ANAPC10: variants seen among roughly 807,000 people sequenced by gnomAD.
The protein encoded by ANAPC10 is anaphase-promoting complex subunit 10.
ANAPC10 carries 12 observed loss-of-function variants against 22.0 expected under a neutral mutation model. The ratio of observed to expected loss-of-function variants is 0.55; its 90% CI spans 0.35 to 0.88. The LOEUF is 0.88. ANAPC10 is among the 40% of genes least tolerant of loss of function. The probability of loss-of-function intolerance (pLI) is 0.01; values close to 1 mark genes in which losing one functional copy is unlikely to be tolerated. For missense variants in ANAPC10, 188 were observed against 220.9 expected (o/e 0.85, Z 0.94); for synonymous variants, 65 against 69.5 (o/e 0.94, Z 0.32).
At chr4:145,023,790 C>T (rs1453489570) in intron 4 of ANAPC10, among the ~76,000 whole-genome samples, 3 of 152,046 alleles carry the variant, frequency 2.0e-5, no homozygotes, top group African/African-American at 4.8e-5. Context: ...AGGGTGGTGT[C>T]GCTGAAGGTT....
At chr4:145,051,271 T>C (rs952940251) in intron 4 of ANAPC10, among the ~76,000 whole-genome samples, 3 of 151,914 alleles carry the variant, frequency 2.0e-5, no homozygotes, top group Non-Finnish European at 4.4e-5. Context: ...GTTGGTGGAG[T>C]AGTCAGAACA....
At chr4:145,021,861 T>G (rs1735998287) in intron 4 of ANAPC10, among the ~76,000 whole-genome samples, 1 of 152,016 alleles carries the variant, frequency 6.6e-6, no homozygotes, top group Admixed American at 6.6e-5. Context: ...GCTAAGGACA[T>G]GAATAGACAA....
intron 4 of ANAPC10, among the ~76,000 whole-genome samples, chr4:145,001,280 G>C (rs1392914312): frequency 6.6e-6 from 1 of 151,450 alleles, no homozygotes; most frequent in Non-Finnish European, 1.5e-5. Context: ...AAGAAGAAAA[G>C]AAAAGAAAAG....
chr4:145,012,178 A>G (rs1272254463), intron 4 of ANAPC10, among the ~76,000 whole-genome samples: 35 of 132,996 alleles, frequency 2.6e-4, no homozygotes, highest in South Asian at 1.0e-3. Context: ...GTGTGTGTGT[A>G]TATATATATA....
intron 4 of ANAPC10, among the ~76,000 whole-genome samples, chr4:145,043,126 G>C (rs755683226): frequency 6.6e-5 from 10 of 151,334 alleles, no homozygotes; most frequent in Non-Finnish European, 1.5e-4. Context: ...AAATGCACTA[G>C]CTGCCAAGAG....
chr4:145,065,228 T>C (rs911280820), intron 3 of ANAPC10, among the ~76,000 whole-genome samples: 16 of 151,890 alleles, frequency 1.1e-4, no homozygotes, highest in African/African-American at 3.9e-4. Context: ...TTCTTTCTTT[T>C]GCTATTGATT....
intron 1 of ANAPC10, chr4:145,097,677 T>C (rs770682613): frequency 2.1e-5 from 10 of 475,468 alleles, no homozygotes; most frequent in Middle Eastern, 7.5e-4. Flanking sequence ...TATGAACTAG[T>C]TGTCACTTGC....
rs993556178 is a variant in ANAPC10 at position 145,050,541 on chromosome 4, A to C, written c.327+14031T>G. Among the ~76,000 whole-genome samples, 4 of 152,166 alleles carry C rather than the reference A, an allele frequency of 2.6e-5. No homozygotes were observed. The East Asian group carries it at 5.8e-4, about 22-fold the overall frequency. ...AGCCAGGCATTGACTTCTCCTCTCT[A>C]ATCTTAGCTGGCATCTTCCAGTAGA... On this transcript the variant is annotated intron_variant, in intron 4 of 4. Transcript: ENST00000507656.
chr4:145,097,265 A>C (rs1325108189), intron 1 of ANAPC10: 1 of 357,864 alleles, frequency 2.8e-6, no homozygotes, highest in East Asian at 7.4e-5. Context: ...ACCATAGAAG[A>C]TAAGGTCAGG....
rs141471580 is a variant in ANAPC10, at chr4:145,005,165, C to G, written c.328-9562G>C. 4.2e-3 allele frequency among the ~76,000 whole-genome samples: 640 copies of G among 152,230 alleles called. 3 individuals are homozygous for G. Among genetic ancestry groups the G allele is most frequent in the African/African-American group, 0.014 (586 of 41,538 alleles). Reference sequence around the variant, plus strand: ...TCTCAGGCTCTAGCCATCCTCCTACCTCAGTCTCCTGTGTAGCTGGGATTA... The same window carrying G: ...TCTCAGGCTCTAGCCATCCTCCTACGTCAGTCTCCTGTGTAGCTGGGATTA... On this transcript the variant is annotated intron_variant, in intron 4 of 4. Transcript: ENST00000507656.
At chr4:145,083,011 T>C (rs191329692) in intron 2 of ANAPC10, among the ~76,000 whole-genome samples, 3 of 152,302 alleles carry the variant, frequency 2.0e-5, no homozygotes, top group Admixed American at 6.5e-5. Context: ...AGCAGTCATA[T>C]ATGTATTCTT....
chr4:145,035,114 T>C (rs1249054559), intron 4 of ANAPC10: 1 of 152,242 alleles, frequency 6.6e-6, no homozygotes, highest in Non-Finnish European at 1.5e-5. Context: ...GTTCTTTTCA[T>C]GCAAGATTTG....
intron 3 of ANAPC10, 42 bp from the exon 4 acceptor site, chr4:145,064,734 GA>G: frequency 6.9e-7 from 1 of 1,445,214 alleles, no homozygotes; most frequent in Non-Finnish European, 9.3e-7. Context: ...TTCATCATAT[GA>G]AAAGATTTCC....
chr4:145,084,342 G>C (rs1216745990), intron 2 of ANAPC10, among the ~76,000 whole-genome samples: 1 of 152,164 alleles, frequency 6.6e-6, no homozygotes, highest in Non-Finnish European at 1.5e-5. Flanking sequence ...ATTCAGCAAA[G>C]AGATAAGCAT....
At chr4:145,054,317 C>T (rs1489898870) in intron 4 of ANAPC10, among the ~76,000 whole-genome samples, 1 of 148,928 alleles carries the variant, frequency 6.7e-6, no homozygotes, top group Non-Finnish European at 1.5e-5. Flanking sequence ...TTTGGGAGGC[C>T]GAGGAGGGCA....
chr4:145,082,826 A>G (rs547360129), intron 2 of ANAPC10, among the ~76,000 whole-genome samples: 11 of 152,298 alleles, frequency 7.2e-5, no homozygotes, highest in African/African-American at 2.6e-4. Context: ...AATAAGAGAA[A>G]TAAGTTTAAC....
intron 3 of ANAPC10, among the ~76,000 whole-genome samples, chr4:145,080,647 G>T (rs999042752): frequency 1.3e-5 from 2 of 152,070 alleles, no homozygotes; most frequent in Admixed American, 6.5e-5. Context: ...AGTGGCTCAC[G>T]CCTGTAATCC....
chr4:145,007,928 T>A (rs185942924), intron 4 of ANAPC10, among the ~76,000 whole-genome samples: 1 of 148,622 alleles, frequency 6.7e-6, no homozygotes, highest in Admixed American at 6.7e-5. Context: ...ACAAAATTGA[T>A]AGACCGCTAG....
In ANAPC10 at chr4:144,995,320, T is replaced by C. The variant is rs1731450680; in HGVS notation, c.*53A>G. The C allele has an allele frequency of 1.7e-6, 2 of 1,187,306 alleles. No homozygotes were observed. The highest frequency in any genetic ancestry group is 2.4e-6 in the Non-Finnish European group (2 of 820,826). The allele number at this position is 1,187,306 out of a possible 1,614,324, so 73.5% of individuals were successfully genotyped here. A position where few individuals can be genotyped will look rare whatever the true frequency, so the allele number is the denominator to read the frequency against. On this transcript the variant is annotated 3_prime_UTR_variant, in exon 5 of 5. Transcript: ENST00000507656. ...CAATAAAGGTACATGATATATTATT[T>C]AAATACAGGATAAAACAAAGATACG...
Sources: gnomAD v4.1 joint callset for allele counts (sites outside exome capture counted in the v4.1 genomes callset) on GRCh38, gnomAD v4.1.1 for gene constraint, MANE v1.5 for transcripts, NCBI Gene and HGNC (gene_info 2026-07-23, HGNC 2026-07-21) for gene names.